Variants in RRAGC observed in about 807,000 individuals in gnomAD.
RRAGC encodes Ras related GTP binding C.
A neutral mutation model predicts 37.1 loss-of-function variants in RRAGC; 8 were observed. The ratio of observed to expected loss-of-function variants is 0.22; its 90% CI spans 0.13 to 0.39. RRAGC has a LOEUF of 0.39. RRAGC is among the 10% of genes least tolerant of loss of function. RRAGC has a pLI of 1.00. For missense variants in RRAGC, 342 were observed against 497.6 expected, an observed-to-expected ratio of 0.69 and a Z score of 2.98; for synonymous variants, 190 against 181.1, an observed-to-expected ratio of 1.05 and a Z score of -0.39.
At chr1:38,845,814 T>C (rs1043026391) in intron 6 of RRAGC, 125 bp downstream of exon 6, 1 of 731,214 alleles carries the variant, frequency 1.4e-6, no homozygotes, top group Non-Finnish European at 2.2e-6. Flanking sequence ...CAAAAGCAGT[T>C]TGAGCTTTTT....
At chr1:38,849,426 C>T (rs755609219) in intron 5 of RRAGC, among the ~76,000 whole-genome samples, 1 of 152,098 alleles carries the variant, frequency 6.6e-6, no homozygotes, top group Non-Finnish European at 1.5e-5. Flanking sequence ...TGGTAGCTCA[C>T]GCCTGTAATC....
At chr1:38,850,609 T>C (rs1004647202) in intron 5 of RRAGC, among the ~76,000 whole-genome samples, 1 of 151,808 alleles carries the variant, frequency 6.6e-6, no homozygotes, top group African/African-American at 2.4e-5. Flanking sequence ...GTAAGACAAA[T>C]GTACTCTCCT....
At chr1:38,850,983 GA>G (rs1642095256) in intron 5 of RRAGC, among the ~76,000 whole-genome samples, 1 of 152,120 alleles carries the variant, frequency 6.6e-6, no homozygotes, top group Non-Finnish European at 1.5e-5. Context: ...ATCAGCTTTT[GA>G]AAAGCCAGTA....
rs1296087589 is a variant in RRAGC, at chr1:38,851,601, T to G, written c.899+14A>C. ...GCCTGTCTGAGATATTGCAGGAATA[T>G]ATACATAACTTACCCATATATACAA... On this transcript the variant is annotated intron_variant, in intron 5 of 6. Coordinates refer to ENST00000373001, the MANE Select transcript of RRAGC (RefSeq NM_022157.4). 31 of 1,482,868 alleles carry G rather than the reference T, an allele frequency of 2.1e-5. No homozygotes were observed. Among genetic ancestry groups the G allele is most frequent in the Non-Finnish European group, 2.7e-5 (30 of 1,121,018 alleles). The allele number at this position is 1,482,868 out of a possible 1,614,324, so 91.9% of individuals were successfully genotyped here. A position where few individuals can be genotyped will look rare whatever the true frequency, so the allele number is the denominator to read the frequency against.
In RRAGC at chr1:38,859,696, G is replaced by A; in HGVS notation, c.-50C>T. The A allele has an allele frequency of 7.3e-7, 1 of 1,364,814 alleles. No homozygotes were observed. Among genetic ancestry groups the A allele is most frequent in the Non-Finnish European group, 9.5e-7 (1 of 1,055,708 alleles). 84.5% of individuals were successfully genotyped at this position (1,364,814 alleles called of 1,614,324 possible). A position where few individuals can be genotyped will look rare whatever the true frequency, so the allele number is the denominator to read the frequency against. Reference sequence around the variant, plus strand: ...GCCCTGACAGGCCAGGCCAGGCCGAGCCAGGCCGCCGCCTCCCCAGTCCGC... The same window carrying A: ...GCCCTGACAGGCCAGGCCAGGCCGAACCAGGCCGCCGCCTCCCCAGTCCGC... On this transcript the variant is annotated 5_prime_UTR_variant, in exon 1 of 7. Transcript: ENST00000373001.
chr1:38,850,647 A>T (rs1329969297), intron 5 of RRAGC, among the ~76,000 whole-genome samples: 1 of 152,230 alleles, frequency 6.6e-6, no homozygotes, highest in African/African-American at 2.4e-5. Flanking sequence ...GAAATTAAGC[A>T]AAAGACCAAA....
intron 1 of RRAGC, among the ~76,000 whole-genome samples, chr1:38,858,568 C>T (rs1352347384): frequency 6.6e-6 from 1 of 152,142 alleles, no homozygotes; most frequent in Non-Finnish European, 1.5e-5. Context: ...CGTGGTGGCG[C>T]GCGCCTGTAA....
chr1:38,845,822 T>C, intron 6 of RRAGC, 117 bp downstream of exon 6: 1 of 836,252 alleles, frequency 1.2e-6, no homozygotes, highest in Non-Finnish European at 1.8e-6. Flanking sequence ...GTTTGAGCTT[T>C]TTTTTTCTGA....
chr1:38,859,348 C>T (rs1642206517), intron 1 of RRAGC, 62 bp downstream of exon 1: 2 of 1,460,682 alleles, frequency 1.4e-6, no homozygotes, highest in African/African-American at 1.4e-5. Flanking sequence ...TCCCGGGCGT[C>T]CCCGCTACCG....
Position 38,855,632 on chromosome 1 carries a change from G to C in RRAGC, c.641+76C>G, listed in dbSNP as rs1488139224. ...GGGCACACAGGTAGCAGAAAGCTAT[G>C]GTGTTTGTAATGACAGAGATGGGAA... On this transcript the variant is annotated intron_variant, in intron 3 of 6. Coordinates refer to ENST00000373001, the MANE Select transcript of RRAGC (RefSeq NM_022157.4). 3.5e-6 allele frequency: 4 copies of C among 1,148,954 alleles called. No homozygotes were observed. In the African/African-American group the frequency reaches 4.6e-5, roughly 13 times the overall value. The allele number at this position is 1,148,954 out of a possible 1,614,324, so 71.2% of individuals were successfully genotyped here.
chr1:38,845,909 C>T, intron 6 of RRAGC, 30 bp downstream of exon 6: 1 of 1,566,666 alleles, frequency 6.4e-7, no homozygotes, highest in Non-Finnish European at 8.6e-7. Context: ...AAGAAATTAA[C>T]ATAAAAACAG....
chr1:38,859,683 C>T lies in RRAGC; in HGVS notation c.-37G>A. 4.8e-6 allele frequency: 7 copies of T among 1,448,062 alleles called. No homozygotes were observed. The highest frequency in any genetic ancestry group is 6.4e-6 in the Non-Finnish European group (7 of 1,099,126). 89.7% of individuals were successfully genotyped at this position (1,448,062 alleles called of 1,614,324 possible). A position where few individuals can be genotyped will look rare whatever the true frequency, so the allele number is the denominator to read the frequency against. ...CGCCGCCGCCCGCGCCCTGACAGGC[C>T]AGGCCAGGCCGAGCCAGGCCGCCGC... is the stretch of plus-strand genomic sequence containing the variant. On this transcript the variant is annotated 5_prime_UTR_variant, in exon 1 of 7. Transcript: ENST00000373001.
rs1190565060 is a variant in RRAGC at position 38,859,551 on chromosome 1, C to G, written c.96G>C (p.Glu32Asp). The stretch of plus-strand genomic sequence containing the variant: ...CCGCCGCCGCCGCCTCCTCTTCCTC[C>G]TCCTCCACGCCGTAGCCGAAGTCCT... Reference protein sequence around the residue: ...FPKDFGYGVEEEEEEAAAAGG... With the variant: ...FPKDFGYGVEDEEEEAAAAGG... Residue 32 changes from glutamate (E) to aspartate (D), a missense_variant, in exon 1 of 7, where the codon GAG becomes GAC. By Grantham distance (45) the Glu-to-Asp change is conservative (BLOSUM62 2). Coordinates refer to ENST00000373001, the MANE Select transcript of RRAGC (RefSeq NM_022157.4). The G allele has an allele frequency of 1.9e-6, 3 of 1,551,876 alleles. No individual in the cohort carries two copies. The East Asian group carries it at 7.2e-5, about 37-fold the overall frequency.
intron 1 of RRAGC, 144 bp downstream of exon 1, chr1:38,859,266 C>T: frequency 2.5e-6 from 2 of 813,226 alleles, no homozygotes; most frequent in Admixed American, 5.8e-5. Context: ...GCGCGGGCCG[C>T]GCCTGTGCGC....
intron 6 of RRAGC, among the ~76,000 whole-genome samples, chr1:38,842,631 A>T (rs376960248): frequency 5.9e-5 from 9 of 152,338 alleles, no homozygotes; most frequent in African/African-American, 2.2e-4. Context: ...TTATTAGTCA[A>T]AAGATATAGG....
intron 1 of RRAGC, among the ~76,000 whole-genome samples, chr1:38,857,357 C>T (rs1570872069): frequency 6.6e-6 from 1 of 152,194 alleles, no homozygotes; most frequent in East Asian, 1.9e-4. Flanking sequence ...ATCTCTATCA[C>T]CTCCATTAGT....
chr1:38,850,328 C>T (rs1235086267), intron 5 of RRAGC, among the ~76,000 whole-genome samples: 1 of 151,996 alleles, frequency 6.6e-6, no homozygotes. Context: ...TCCTGGTTAA[C>T]ATGGTGGAAT....
chr1:38,842,535 C>T (rs1641977519), intron 6 of RRAGC, among the ~76,000 whole-genome samples: 1 of 152,100 alleles, frequency 6.6e-6, no homozygotes. Context: ...TTATTAAGGA[C>T]AAGAAGTGAT....
intron 5 of RRAGC, among the ~76,000 whole-genome samples, chr1:38,849,603 G>A (rs1570865312): frequency 6.6e-6 from 1 of 151,978 alleles, no homozygotes; most frequent in South Asian, 2.1e-4. Context: ...CAGGAGAACT[G>A]CTTGAATCCG....
Sources: gnomAD v4.1 joint callset for allele counts (sites outside exome capture counted in the v4.1 genomes callset) on GRCh38, gnomAD v4.1.1 for gene constraint, MANE v1.5 for transcripts, NCBI Gene and HGNC (gene_info 2026-07-23, HGNC 2026-07-21) for gene names.